FBXO10: variants seen among roughly 807,000 people sequenced by gnomAD.
FBXO10 encodes F-box only protein 10.
Under a neutral mutation model 80.7 loss-of-function variants are expected in FBXO10, and 39 were observed. The observed-to-expected ratio is 0.48, with a 90% CI of 0.37 to 0.63. The LOEUF (loss-of-function observed/expected upper bound fraction) is 0.63. FBXO10 is among the 30% of genes least tolerant of loss of function. FBXO10 has a pLI of 0.00. For missense variants in FBXO10, 1,025 were observed against 1,269.0 expected, an observed-to-expected ratio of 0.81 and a Z score of 2.92; for synonymous variants, 449 against 489.6, an observed-to-expected ratio of 0.92 and a Z score of 1.09.
intron 1 of FBXO10, among the ~76,000 whole-genome samples, chr9:37,547,753 C>T (rs1218875029): frequency 3.3e-5 from 5 of 151,976 alleles, no homozygotes; most frequent in African/African-American, 4.8e-5. Context: ...GAGTCCAGTT[C>T]GAGATCAGCC....
At position 37,541,263 on chromosome 9, in the gene FBXO10, C is replaced by T. The variant is rs777626299; in HGVS notation, c.506G>A (p.Ser169Asn). ...TGTGGTTGAGCAGTGCTGATCAATG[C>T]TGGCCAGCAGGGCCACTTCACCCAA... ...GKLGEVALLA[S>N]IDQHCSTTRL... The change falls in exon 2 of 11, where the codon AGC becomes AAC. Residue 169 changes from serine to asparagine, a missense_variant. Physicochemically the swap from Ser to Asn is conservative, Grantham distance 46 (BLOSUM62 1). This residue lies in a region of FBXO10 where 450 missense variants were observed against 499.4 expected (regional missense o/e 0.90). Transcript: ENST00000432825. The T allele has an allele frequency of 1.9e-6, 3 of 1,613,782 alleles. No homozygotes were observed. The highest frequency in any genetic ancestry group is 1.3e-5 in the African/African-American group (1 of 74,916).
chr9:37,524,330 C>T (rs549260876), intron 6 of FBXO10, among the ~76,000 whole-genome samples: 3 of 152,288 alleles, frequency 2.0e-5, no homozygotes, highest in African/African-American at 7.2e-5. Context: ...TGCTCATATA[C>T]GTAGGCTTTT....
At chr9:37,530,265 G>A (rs577529847) in intron 4 of FBXO10, among the ~76,000 whole-genome samples, 4 of 152,238 alleles carry the variant, frequency 2.6e-5, no homozygotes, top group South Asian at 2.1e-4. Context: ...AAAGTGTTTC[G>A]TGTGCAAACT....
At chr9:37,529,395 G>A (rs954192863) in intron 4 of FBXO10, 135 bp from the exon 5 acceptor site, 13 of 922,500 alleles carry the variant, frequency 1.4e-5, no homozygotes, top group East Asian at 2.6e-5. Context: ...GCCCTAGCCC[G>A]TGACAAAGGG....
At chr9:37,518,089 G>C (rs1290560302) in intron 9 of FBXO10, 36 bp downstream of exon 9, 2 of 1,577,056 alleles carry the variant, frequency 1.3e-6, no homozygotes, top group Non-Finnish European at 1.7e-6. Context: ...TGCCCTGTGT[G>C]GGCACCACAC....
intron 1 of FBXO10, among the ~76,000 whole-genome samples, chr9:37,566,355 A>G (rs1402324156): frequency 6.6e-6 from 1 of 151,404 alleles, no homozygotes; most frequent in African/African-American, 2.4e-5. Context: ...GCTACTTGGG[A>G]GGCTGAGGCA....
intron 8 of FBXO10, among the ~76,000 whole-genome samples, chr9:37,518,797 C>T (rs1242064797): frequency 6.6e-6 from 1 of 152,164 alleles, no homozygotes; most frequent in Non-Finnish European, 1.5e-5. Context: ...CTCACTGCCG[C>T]CTCAAGGCTG....
At chr9:37,544,371 T>G (rs1052233868) in intron 1 of FBXO10, among the ~76,000 whole-genome samples, 1 of 152,130 alleles carries the variant, frequency 6.6e-6, no homozygotes, top group Non-Finnish European at 1.5e-5. Context: ...AGGCAGAGGT[T>G]GCAGTGAGCC....
At position 37,518,221 on chromosome 9, in the gene FBXO10, G is replaced by A; in HGVS notation, c.2418C>T (p.Gly806=). 2.5e-6 allele frequency: 4 copies of A among 1,614,076 alleles called. No individual in the cohort carries two copies. Among genetic ancestry groups the A allele is most frequent in the Non-Finnish European group, 3.4e-6 (4 of 1,179,904 alleles). Residue 806 remains glycine (G), a synonymous_variant, in exon 9 of 11, where the codon GGC becomes GGT. Transcript: ENST00000432825. ...GNGIYDNRGH[G]IITKGDSTIV... The stretch of plus-strand genomic sequence containing the variant: ...TGGTGCTGTCGCCCTTGGTGATAAT[G>A]CCGTGGCCTCTGTTGTCATAGATAC...
chr9:37,520,590 C>G (rs1588824929), intron 8 of FBXO10, among the ~76,000 whole-genome samples: 2 of 147,686 alleles, frequency 1.4e-5, no homozygotes, highest in Admixed American at 1.4e-4. Flanking sequence ...TCTTGAACAC[C>G]TGGCCTCAAG....
intron 7 of FBXO10, chr9:37,522,411 T>C: frequency 9.8e-7 from 1 of 1,025,158 alleles, no homozygotes. Context: ...AGATGAAGGC[T>C]CTGCCCAAAG....
chr9:37,551,216 G>A (rs1474295615), intron 1 of FBXO10, among the ~76,000 whole-genome samples: 2 of 152,214 alleles, frequency 1.3e-5, no homozygotes, highest in Non-Finnish European at 2.9e-5. Flanking sequence ...CGTGTTGGGG[G>A]CTGGGTCTCC....
intron 1 of FBXO10, among the ~76,000 whole-genome samples, chr9:37,553,181 A>G (rs1403625730): frequency 6.6e-6 from 1 of 152,068 alleles, no homozygotes; most frequent in East Asian, 1.9e-4. Flanking sequence ...AGCTGGGACT[A>G]CAGGCACGCG....
chr9:37,570,626 A>G (rs967547175), intron 1 of FBXO10, among the ~76,000 whole-genome samples: 1 of 152,072 alleles, frequency 6.6e-6, no homozygotes, highest in Non-Finnish European at 1.5e-5. Flanking sequence ...AAGAAGAAGG[A>G]AAAAAAAGCA....
chr9:37,532,779 C>T (rs1821663096), intron 3 of FBXO10, among the ~76,000 whole-genome samples: 1 of 152,232 alleles, frequency 6.6e-6, no homozygotes, highest in African/African-American at 2.4e-5. Flanking sequence ...GGTCTTCAAA[C>T]TTTACATGCA....
In FBXO10 at chr9:37,516,088, G is replaced by A; in HGVS notation, c.2515-3C>T. 1 of 1,608,842 alleles carries A rather than the reference G, an allele frequency of 6.2e-7. No individual in the cohort carries two copies. Among genetic ancestry groups the A allele is most frequent in the Non-Finnish European group, 8.5e-7 (1 of 1,177,972 alleles). On this transcript the variant is annotated splice_polypyrimidine_tract_variant and splice_region_variant and intron_variant, in intron 9 of 10. Coordinates refer to ENST00000432825, the MANE Select transcript of FBXO10 (RefSeq NM_012166.3). ...GAGTGGATCCGGTTCTTTATTACCT[G>A]GGAGAGGCAGCCAGAGATTGTCACA...
intron 5 of FBXO10, among the ~76,000 whole-genome samples, chr9:37,527,441 A>G (rs1465602279): frequency 1.3e-5 from 2 of 152,106 alleles, no homozygotes; most frequent in East Asian, 3.9e-4. Context: ...TCGTGTCCAA[A>G]CACACCACAT....
chr9:37,538,145 G>A (rs567259326), intron 2 of FBXO10, among the ~76,000 whole-genome samples: 230 of 152,204 alleles, frequency 1.5e-3, no homozygotes, highest in African/African-American at 4.7e-3. Flanking sequence ...AACTGGAGCT[G>A]CCCGCACCTC....
intron 4 of FBXO10, among the ~76,000 whole-genome samples, 179 bp downstream of exon 4, chr9:37,531,730 A>C (rs1564339358): frequency 6.6e-6 from 1 of 152,208 alleles, no homozygotes; most frequent in African/African-American, 2.4e-5. Flanking sequence ...GACTTGTCCA[A>C]AGTCACTGCT....
Sources: allele counts gnomAD v4.1 joint callset (sites outside exome capture counted in the v4.1 genomes callset), GRCh38; gene constraint gnomAD v4.1.1; regional missense constraint gnomAD v4.1.1; transcripts MANE v1.5; gene names NCBI Gene and HGNC (gene_info 2026-07-23, HGNC 2026-07-21).